The following ASIC2 variants were observed in gnomAD, a reference collection of about 807,000 sequenced individuals.
ASIC2 encodes acid-sensing ion channel 2.
ASIC2 carries 25 observed loss-of-function variants against 57.3 expected under a neutral mutation model. The ratio of observed to expected loss-of-function variants is 0.44; its 90% CI spans 0.32 to 0.61. The LOEUF (loss-of-function observed/expected upper bound fraction) is 0.61. ASIC2 is among the 20% of genes least tolerant of loss of function. The probability of loss-of-function intolerance (pLI) is 0.06; values close to 1 mark genes in which losing one functional copy is unlikely to be tolerated. For synonymous variants in ASIC2, 319 were observed against 307.5 expected (o/e 1.04, Z -0.39); for missense variants, 641 against 738.1 (o/e 0.87, Z 1.52).
At chr17:33,522,316 A>G (rs1049411769) in intron 1 of ASIC2, among the ~76,000 whole-genome samples, 3 of 152,210 alleles carry the variant, frequency 2.0e-5, no homozygotes, top group African/African-American at 7.2e-5. Flanking sequence ...CTGAAGGCCT[A>G]CATTTGCAGA....
intron 1 of ASIC2, among the ~76,000 whole-genome samples, chr17:33,269,183 T>A (rs1201174233): frequency 2.0e-5 from 3 of 152,190 alleles, no homozygotes; most frequent in Non-Finnish European, 2.9e-5. Flanking sequence ...GTGTTTAATT[T>A]TTGACTTGAG....
intron 1 of ASIC2, among the ~76,000 whole-genome samples, chr17:33,436,853 C>CTTTTTTTTTTTTTT (rs71144877): frequency 1.5e-5 from 1 of 66,596 alleles, no homozygotes; most frequent in African/African-American, 5.0e-5. Context: ...ATTCCAACTT[C>CTTTTTTTTTTTTTT]TTTTTTTTTT....
intron 1 of ASIC2, among the ~76,000 whole-genome samples, chr17:33,162,100 T>C (rs1442478955): frequency 6.6e-6 from 1 of 152,138 alleles, no homozygotes; most frequent in Non-Finnish European, 1.5e-5. Flanking sequence ...TCATGTTGCC[T>C]AGCAGTCATC....
At chr17:34,155,688 T>A in intron 1 of ASIC2, 1 of 412,946 alleles carries the variant, frequency 2.4e-6, no homozygotes, top group Non-Finnish European at 4.4e-6. Context: ...CCAGGCCTCC[T>A]CCCTCTGACT....
intron 2 of ASIC2, among the ~76,000 whole-genome samples, chr17:33,096,789 A>C (rs1036448892): frequency 2.6e-5 from 4 of 152,212 alleles, no homozygotes; most frequent in Admixed American, 6.5e-5. Flanking sequence ...GAAGTGAGCA[A>C]TGAGCCATGG....
intron 1 of ASIC2, among the ~76,000 whole-genome samples, chr17:33,502,168 G>A (rs1224555071): frequency 6.6e-6 from 1 of 152,152 alleles, no homozygotes; most frequent in African/African-American, 2.4e-5. Context: ...CAAGGGGCAA[G>A]CAGTTGACAC....
At chr17:33,592,387 C>T (rs567650751) in intron 1 of ASIC2, among the ~76,000 whole-genome samples, 382 of 152,366 alleles carry the variant, frequency 2.5e-3, no homozygotes, top group African/African-American at 8.5e-3. Flanking sequence ...AGGCCAGCCT[C>T]TATCTCATAC....
chr17:33,269,672 T>TTCCTTCCTTCTTTCCTTTTTC (rs1281999914), intron 1 of ASIC2, among the ~76,000 whole-genome samples: 1 of 74,888 alleles, frequency 1.3e-5, no homozygotes, highest in African/African-American at 4.5e-5. Context: ...CCTTCCTTCC[T>TTCCTTCCTTCTTTCCTTTTTC]TCCCTCCCTC....
chr17:33,429,870 G>T (rs188169416), intron 1 of ASIC2, among the ~76,000 whole-genome samples: 1 of 152,164 alleles, frequency 6.6e-6, no homozygotes, highest in Non-Finnish European at 1.5e-5. Flanking sequence ...CATGGCTAAG[G>T]GGGGTGGCCC....
At chr17:33,625,015 T>G (rs1445952251) in intron 1 of ASIC2, among the ~76,000 whole-genome samples, 1 of 152,220 alleles carries the variant, frequency 6.6e-6, no homozygotes, top group Non-Finnish European at 1.5e-5. Flanking sequence ...GTGACACCCT[T>G]GTGTGGATCC....
intron 1 of ASIC2, among the ~76,000 whole-genome samples, chr17:33,486,578 G>A (rs957011008): frequency 2.0e-5 from 3 of 152,220 alleles, no homozygotes; most frequent in Non-Finnish European, 2.9e-5. Flanking sequence ...CCCCTACAGG[G>A]ACAGGACTGG....
At chr17:34,055,777 G>C (rs1251280749) in intron 1 of ASIC2, among the ~76,000 whole-genome samples, 2 of 152,208 alleles carry the variant, frequency 1.3e-5, no homozygotes, top group African/African-American at 4.8e-5. Flanking sequence ...TTAACTTGCT[G>C]ATGGACATTT....
At chr17:33,506,338 G>A (rs1014536174) in intron 1 of ASIC2, among the ~76,000 whole-genome samples, 21 of 151,910 alleles carry the variant, frequency 1.4e-4, no homozygotes, top group African/African-American at 3.6e-4. Flanking sequence ...GTGTGAACCC[G>A]GGAGGCGGAG....
At chr17:33,021,467 T>G (rs1348782569) in intron 6 of ASIC2, among the ~76,000 whole-genome samples, 157 bp from the exon 7 acceptor site, 1 of 152,216 alleles carries the variant, frequency 6.6e-6, no homozygotes, top group Admixed American at 6.5e-5. Flanking sequence ...GAGCTGCGGC[T>G]TCAAGCCAAG....
intron 1 of ASIC2, among the ~76,000 whole-genome samples, chr17:33,790,260 T>G (rs905629180): frequency 3.3e-5 from 5 of 152,190 alleles, no homozygotes; most frequent in Admixed American, 2.0e-4. Flanking sequence ...GCTTGATGCA[T>G]CCCAACTCTC....
At chr17:33,183,648 GAACCC>G (rs1906073184) in intron 1 of ASIC2, among the ~76,000 whole-genome samples, 1 of 152,192 alleles carries the variant, frequency 6.6e-6, no homozygotes, top group South Asian at 2.1e-4. Flanking sequence ...TGGGTGAGCA[GAACCC>G]AAATTAAAAA....
At chr17:33,391,363 A>G (rs1257377449) in intron 1 of ASIC2, among the ~76,000 whole-genome samples, 2 of 152,118 alleles carry the variant, frequency 1.3e-5, no homozygotes, top group Admixed American at 1.3e-4. Flanking sequence ...TATTCTCTCA[A>G]AGGTCACCTA....
chr17:33,088,658 A>G (rs997286469), intron 3 of ASIC2, among the ~76,000 whole-genome samples: 1 of 152,250 alleles, frequency 6.6e-6, no homozygotes. Context: ...TGGTGAAAAG[A>G]AAAATGAGCT....
intron 1 of ASIC2, among the ~76,000 whole-genome samples, chr17:33,156,540 G>A (rs149752887): frequency 5.3e-5 from 8 of 151,880 alleles, no homozygotes; most frequent in Admixed American, 4.6e-4. Flanking sequence ...GGTGGATCAC[G>A]AGGTCAGGAG....
Sources: allele counts gnomAD v4.1 joint callset (sites outside exome capture counted in the v4.1 genomes callset), GRCh38; gene constraint gnomAD v4.1.1; transcripts MANE v1.5; gene names NCBI Gene and HGNC (gene_info 2026-07-23, HGNC 2026-07-21).